SKAP2: variants seen among roughly 807,000 people sequenced by gnomAD.
SKAP2 encodes src kinase associated phosphoprotein 2.
SKAP2 carries 28 observed loss-of-function variants against 54.9 expected under a neutral mutation model. That is an observed-to-expected ratio of 0.51 (90% CI 0.38 to 0.70). The LOEUF (loss-of-function observed/expected upper bound fraction) is 0.70. Ranked by LOEUF, SKAP2 falls within the 30% of genes least tolerant of loss-of-function variation. The pLI, the probability that SKAP2 is intolerant of heterozygous loss-of-function variation, is 0.00. For missense variants in SKAP2, 356 were observed against 424.1 expected (o/e 0.84, Z 1.41); for synonymous variants, 137 against 134.3 (o/e 1.02, Z -0.14).
chr7:26,812,518 T>A (rs1016415542), intron 4 of SKAP2, among the ~76,000 whole-genome samples: 3 of 152,080 alleles, frequency 2.0e-5, no homozygotes, highest in African/African-American at 7.2e-5. Context: ...GTTCTAAACA[T>A]AACTTCATAG....
intron 4 of SKAP2, among the ~76,000 whole-genome samples, chr7:26,795,993 A>C (rs1783770049): frequency 6.6e-6 from 1 of 152,236 alleles, no homozygotes; most frequent in Non-Finnish European, 1.5e-5. Flanking sequence ...GAAAAAACTC[A>C]GAGATGACCT....
At chr7:26,719,813 C>A (rs1584350354) in intron 9 of SKAP2, among the ~76,000 whole-genome samples, 1 of 152,184 alleles carries the variant, frequency 6.6e-6, no homozygotes, top group East Asian at 1.9e-4. Flanking sequence ...TGTAAGAAAA[C>A]CTGTGTCCAT....
intron 4 of SKAP2, among the ~76,000 whole-genome samples, chr7:26,768,171 T>C (rs1783102760): frequency 6.6e-6 from 1 of 152,252 alleles, no homozygotes; most frequent in South Asian, 2.1e-4. Flanking sequence ...TTTAGGATAG[T>C]TAGCTCTTCC....
chr7:26,761,378 TC>T (rs1361716937), intron 4 of SKAP2, among the ~76,000 whole-genome samples: 2 of 152,224 alleles, frequency 1.3e-5, no homozygotes, highest in Non-Finnish European at 2.9e-5. Flanking sequence ...GGCTGACATC[TC>T]CAATGTAATG....
chr7:26,766,267 C>A (rs145018416), intron 4 of SKAP2, among the ~76,000 whole-genome samples: 1,810 of 152,220 alleles, frequency 0.012, 36 homozygotes, highest in African/African-American at 0.041. Context: ...ATTTGGCTCT[C>A]TGTTTGTCTA....
intron 9 of SKAP2, among the ~76,000 whole-genome samples, chr7:26,721,289 A>G (rs184521080): frequency 2.6e-5 from 4 of 152,176 alleles, no homozygotes; most frequent in Non-Finnish European, 4.4e-5. Context: ...TTGGGGGCCT[A>G]TAACCACTTA....
chr7:26,674,443 C>T (rs1384220008), intron 11 of SKAP2, among the ~76,000 whole-genome samples: 1 of 152,098 alleles, frequency 6.6e-6, no homozygotes, highest in Non-Finnish European at 1.5e-5. Flanking sequence ...TGTAAGAATC[C>T]TCTCATTTCT....
chr7:26,852,677 G>A (rs935206034), intron 3 of SKAP2, among the ~76,000 whole-genome samples: 2 of 152,004 alleles, frequency 1.3e-5, no homozygotes, highest in South Asian at 2.1e-4. Context: ...ACACCTGAAC[G>A]AATTCTAAAA....
At chr7:26,760,161 G>T (rs1782893767) in intron 4 of SKAP2, among the ~76,000 whole-genome samples, 1 of 152,052 alleles carries the variant, frequency 6.6e-6, no homozygotes, top group Non-Finnish European at 1.5e-5. Context: ...TTCCTTAACA[G>T]AGTTATTTCA....
intron 9 of SKAP2, among the ~76,000 whole-genome samples, chr7:26,710,294 T>G (rs1787273443): frequency 6.6e-6 from 1 of 152,174 alleles, no homozygotes; most frequent in Non-Finnish European, 1.5e-5. Context: ...AATAATCACA[T>G]GAAAAGTGTT....
At chr7:26,700,726 C>T (rs1056734030) in intron 9 of SKAP2, among the ~76,000 whole-genome samples, 1 of 152,212 alleles carries the variant, frequency 6.6e-6, no homozygotes, top group Non-Finnish European at 1.5e-5. Context: ...CATCCATAAA[C>T]CTTCTACATA....
At chr7:26,772,664 G>A (rs1452785345) in intron 4 of SKAP2, among the ~76,000 whole-genome samples, 4 of 152,078 alleles carry the variant, frequency 2.6e-5, no homozygotes, top group South Asian at 2.1e-4. Flanking sequence ...AGTTGCTATT[G>A]TGAATAGTGC....
chr7:26,845,790 CG>C (rs1784908580), intron 3 of SKAP2, among the ~76,000 whole-genome samples: 1 of 151,932 alleles, frequency 6.6e-6, no homozygotes, highest in Non-Finnish European at 1.5e-5. Context: ...AACAATTAGC[CG>C]GGTGTGGTGG....
chr7:26,736,007 A>C (rs7795313), intron 6 of SKAP2, among the ~76,000 whole-genome samples: 66,745 of 152,042 alleles, frequency 0.44, 15,894 homozygotes, highest in East Asian at 0.6. Context: ...GGAAAAATTT[A>C]AGGAAACACA....
chr7:26,785,022 C>T (rs1199667116), intron 4 of SKAP2, among the ~76,000 whole-genome samples: 2 of 152,100 alleles, frequency 1.3e-5, no homozygotes, highest in Non-Finnish European at 2.9e-5. Flanking sequence ...TGAGGCACAT[C>T]TGGAAATTTT....
intron 9 of SKAP2, among the ~76,000 whole-genome samples, chr7:26,717,708 C>T (rs1787484404): frequency 6.7e-6 from 1 of 150,348 alleles, no homozygotes; most frequent in African/African-American, 2.4e-5. Context: ...TGGCGCATGC[C>T]TGTAATCCAG....
chr7:26,700,002 C>T (rs1054391595), intron 9 of SKAP2, among the ~76,000 whole-genome samples: 9 of 152,086 alleles, frequency 5.9e-5, no homozygotes, highest in Non-Finnish European at 1.5e-5. Flanking sequence ...ACTTGTGCAA[C>T]TAGATTTTTG....
At chr7:26,721,076 T>A (rs1457477688) in intron 9 of SKAP2, among the ~76,000 whole-genome samples, 1 of 152,186 alleles carries the variant, frequency 6.6e-6, no homozygotes, top group East Asian at 1.9e-4. Flanking sequence ...AAATACTGAA[T>A]ATATGTGGTT....
intron 4 of SKAP2, among the ~76,000 whole-genome samples, chr7:26,827,694 T>C (rs995961610): frequency 1.3e-5 from 2 of 152,280 alleles, no homozygotes; most frequent in Middle Eastern, 3.4e-3. Flanking sequence ...CCCACTATTT[T>C]TGTAAAAATA....
Sources: gnomAD v4.1 joint callset for allele counts (sites outside exome capture counted in the v4.1 genomes callset) on GRCh38, gnomAD v4.1.1 for gene constraint, MANE v1.5 for transcripts, NCBI Gene and HGNC (gene_info 2026-07-23, HGNC 2026-07-21) for gene names.